PRDM11: variants seen among roughly 807,000 people sequenced by gnomAD.
The protein encoded by PRDM11 is PR/SET domain 11, also known as PR domain-containing protein 11.
In PRDM11, 20 loss-of-function variants were observed where a neutral mutation model predicts 97.8. The observed-to-expected ratio is 0.20, with a 90% CI of 0.14 to 0.30. The LOEUF (loss-of-function observed/expected upper bound fraction) is 0.30, where lower values mean the gene tolerates loss of function less well. Among genes scored for constraint, PRDM11 ranks in the 10% least tolerant of loss-of-function variants. The probability of loss-of-function intolerance (pLI) is 1.00; values close to 1 mark genes in which losing one functional copy is unlikely to be tolerated. For missense variants in PRDM11, 1,139 were observed against 1,555.2 expected, an observed-to-expected ratio of 0.73 and a Z score of 4.50; for synonymous variants, 599 against 637.7, an observed-to-expected ratio of 0.94 and a Z score of 0.91.
At chr11:45,170,585 G>T (rs1852179666) in intron 1 of PRDM11, among the ~76,000 whole-genome samples, 1 of 135,850 alleles carries the variant, frequency 7.4e-6, no homozygotes, top group South Asian at 2.5e-4. Context: ...GGAGTAGGAA[G>T]GGAGGAAATC....
chr11:45,213,694 C>T, intron 5 of PRDM11: 1 of 456,486 alleles, frequency 2.2e-6, no homozygotes, highest in South Asian at 1.5e-5. Flanking sequence ...TCTGGGTGGT[C>T]TCAGTGGGGG....
In PRDM11 at chr11:45,229,836, G is replaced by C. The variant is rs1276545083; in HGVS notation, c.*1677G>C. On this transcript the variant is annotated 3_prime_UTR_variant, in exon 8 of 8. Coordinates refer to ENST00000683152, the MANE Select transcript of PRDM11 (RefSeq NM_001384648.1). ...TTCATCTCTTGGTTGGCAGAGGGTG[G>C]TGTTATCTGGCCACAGGCAAGGCCC... The C allele has an allele frequency of 6.6e-6, 1 of 152,184 alleles. No homozygotes were observed. Among genetic ancestry groups the C allele is most frequent in the African/African-American group, 2.4e-5 (1 of 41,424 alleles). 9.4% of individuals were successfully genotyped at this position (152,184 alleles called of 1,614,324 possible).
upstream of PRDM11, among the ~76,000 whole-genome samples, chr11:45,145,706 C>A (rs760973997): frequency 3.2e-4 from 48 of 152,308 alleles, no homozygotes; most frequent in Non-Finnish European, 5.3e-4. Flanking sequence ...GTAGAGGACG[C>A]CACGAGAAAG....
chr11:45,133,548 A>AT (rs1852766547), intron 1 of PRDM11, among the ~76,000 whole-genome samples: 1 of 152,148 alleles, frequency 6.6e-6, no homozygotes, highest in Non-Finnish European at 1.5e-5. Flanking sequence ...CCTGACCCAG[A>AT]TTTTTTTAGT....
chr11:45,192,069 G>A (rs10444286), intron 4 of PRDM11, among the ~76,000 whole-genome samples: 26,427 of 151,698 alleles, frequency 0.17, 2,819 homozygotes, highest in South Asian at 0.24. Flanking sequence ...CTCATTAGCC[G>A]AACTAGGTTT....
intron 5 of PRDM11, chr11:45,213,094 C>A (rs753310374): frequency 8.8e-6 from 4 of 454,144 alleles, no homozygotes; most frequent in South Asian, 6.2e-5. Context: ...GATGTCTGGC[C>A]TCACAACAGG....
chr11:45,097,342 CTTCTCTA>C (rs1805320966), intron 1 of PRDM11, among the ~76,000 whole-genome samples: 1 of 152,218 alleles, frequency 6.6e-6, no homozygotes, highest in Non-Finnish European at 1.5e-5. Flanking sequence ...AATTCACAGG[CTTCTCTA>C]TCAAGTAAAG....
chr11:45,135,435 CAA>C, intron 1 of PRDM11, among the ~76,000 whole-genome samples: 1 of 152,250 alleles, frequency 6.6e-6, no homozygotes, highest in East Asian at 1.9e-4. Flanking sequence ...CTAATGAAAA[CAA>C]TATGTGAATT....
chr11:45,125,333 AT>A (rs1416534621), intron 1 of PRDM11, among the ~76,000 whole-genome samples: 1 of 151,746 alleles, frequency 6.6e-6, no homozygotes, highest in African/African-American at 2.4e-5. Context: ...TTGTGTCTCT[AT>A]TTCCTTAAGT....
intron 5 of PRDM11, among the ~76,000 whole-genome samples, chr11:45,217,165 T>A (rs1157988309): frequency 2.0e-5 from 3 of 152,198 alleles, no homozygotes; most frequent in African/African-American, 7.2e-5. Context: ...CTCACTAAAT[T>A]GGGGACTGGA....
rs1022757121 is a variant in PRDM11, at chr11:45,229,807, G to C, written c.*1648G>C. ...ATATACATGTGGTCAGTTCTGCTGA[G>C]AGCTTCATCTCTTGGTTGGCAGAGG... On this transcript the variant is annotated 3_prime_UTR_variant, in exon 8 of 8. Coordinates refer to ENST00000683152, the MANE Select transcript of PRDM11 (RefSeq NM_001384648.1). The C allele has an allele frequency of 3.9e-5, 6 of 152,206 alleles. No individual in the cohort carries two copies. Among genetic ancestry groups the C allele is most frequent in the Admixed American group, 2.6e-4 (4 of 15,278 alleles). 9.4% of individuals were successfully genotyped at this position (152,206 alleles called of 1,614,324 possible). A position where few individuals can be genotyped will look rare whatever the true frequency, so the allele number is the denominator to read the frequency against.
At chr11:45,164,738 GT>G (rs1852018466) in intron 1 of PRDM11, among the ~76,000 whole-genome samples, 1 of 152,230 alleles carries the variant, frequency 6.6e-6, no homozygotes, top group African/African-American at 2.4e-5. Flanking sequence ...CTTCGGGTGT[GT>G]TTTGACCTCG....
At chr11:45,180,240 G>C (rs1852435092) in intron 1 of PRDM11, among the ~76,000 whole-genome samples, 2 of 152,222 alleles carry the variant, frequency 1.3e-5, no homozygotes, top group African/African-American at 4.8e-5. Flanking sequence ...GGTCGGTCGA[G>C]CACCCAGCGG....
upstream of PRDM11, among the ~76,000 whole-genome samples, chr11:45,095,051 C>T (rs1851870065): frequency 1.3e-5 from 2 of 152,236 alleles, no homozygotes; most frequent in South Asian, 4.1e-4. Context: ...GCCGGCTGGC[C>T]TTGCCAACTG....
Position 45,122,238 on chromosome 11 carries a change from G to C in PRDM11, c.96+26337G>C, listed in dbSNP as rs796297061. On this transcript the variant is annotated intron_variant, in intron 1 of 6. Coordinates refer to the PRDM11 transcript ENST00000530656. ...ACACACACACACACACACACACACA[G>C]AGAGAAACAGAATATCAGCTAAGAA... Among the ~76,000 whole-genome samples, 926 of 109,010 alleles carry C rather than the reference G, an allele frequency of 8.5e-3. 5 individuals carry two copies. Among genetic ancestry groups the C allele is most frequent in the African/African-American group, 0.023 (815 of 35,496 alleles). 71.5% of individuals were successfully genotyped at this position (109,010 alleles called of 152,430 possible).
rs953810302 is a variant in PRDM11, at chr11:45,228,055, A to T, written c.3430A>T (p.Ser1144Cys). 204 of 1,533,674 alleles carry T rather than the reference A, an allele frequency of 1.3e-4. No homozygotes were observed. The highest frequency in any genetic ancestry group is 1.7e-4 in the Non-Finnish European group (190 of 1,146,702). Reference sequence around the variant, plus strand: ...CTGGTTTGAGGAGAAGTCTGGGAACAGTTACGCGCTGTCTGCAGAAGTCCT... The same window carrying T: ...CTGGTTTGAGGAGAAGTCTGGGAACTGTTACGCGCTGTCTGCAGAAGTCCT... ...DSWFEEKSGN[S>C]YALSAEVLSR... Residue 1144 changes from serine to cysteine, a missense_variant, in exon 8 of 8, where the codon AGT (serine) becomes TGT (cysteine). By Grantham distance (112) the Ser-to-Cys change is moderately radical. Coordinates refer to ENST00000683152, the MANE Select transcript of PRDM11 (RefSeq NM_001384648.1).
chr11:45,204,083 C>T (rs1027908304), intron 4 of PRDM11, among the ~76,000 whole-genome samples: 3 of 152,184 alleles, frequency 2.0e-5, no homozygotes, highest in Admixed American at 6.5e-5. Flanking sequence ...GTTGCTTTTG[C>T]GCCGATGGCA....
rs1210248681 is a variant in PRDM11, at chr11:45,219,528, A to G, written c.555-42A>G. ...GCCGGCACCAGCGGGCACTCAACAA[A>G]GGGTGGCCCGTGCGTTCTCACCTGT... On this transcript the variant is annotated intron_variant, in intron 5 of 7. Coordinates refer to ENST00000683152, the MANE Select transcript of PRDM11 (RefSeq NM_001384648.1). This position sits in a 1 kb window ranked among gnomAD's most constrained non-coding sequence, Gnocchi z 4.2. 12 of 1,557,236 alleles carry G rather than the reference A, an allele frequency of 7.7e-6. No homozygotes were observed. Among genetic ancestry groups the G allele is most frequent in the African/African-American group, 1.4e-5 (1 of 73,964 alleles).
intron 4 of PRDM11, among the ~76,000 whole-genome samples, chr11:45,193,783 C>T (rs991762318): frequency 2.6e-5 from 4 of 152,166 alleles, no homozygotes; most frequent in South Asian, 2.1e-4. Flanking sequence ...GGTCAGCTGC[C>T]GTTCCTCATT....
Sources: gnomAD v4.1 joint callset for allele counts (sites outside exome capture counted in the v4.1 genomes callset) on GRCh38, gnomAD v4.1.1 for gene constraint, Gnocchi (gnomAD v3.1) non-coding constraint, MANE v1.5 for transcripts, NCBI Gene and HGNC (gene_info 2026-07-23, HGNC 2026-07-21) for gene names.